The following AP2A2 variants were observed in gnomAD, a reference collection of about 807,000 sequenced individuals.
AP2A2 encodes adaptor related protein complex 2 subunit alpha 2.
Under a neutral mutation model 104.2 loss-of-function variants are expected in AP2A2, and 32 were observed. The ratio of observed to expected loss-of-function variants is 0.31; its 90% CI spans 0.23 to 0.41. The LOEUF (loss-of-function observed/expected upper bound fraction) is 0.41. Ranked by LOEUF, AP2A2 falls within the 10% of genes least tolerant of loss-of-function variation. AP2A2 has a pLI of 1.00. For synonymous variants in AP2A2, 539 were observed against 533.3 expected (o/e 1.01, Z -0.15); for missense variants, 912 against 1,261.0 (o/e 0.72, Z 4.19).
At chr11:981,689 A>G (rs925119096) in intron 6 of AP2A2, among the ~76,000 whole-genome samples, 6 of 152,260 alleles carry the variant, frequency 3.9e-5, no homozygotes, top group African/African-American at 1.4e-4. Flanking sequence ...TCAACATGGT[A>G]AAATTTTTGT....
chr11:1,001,142 TG>T (rs980870180), intron 15 of AP2A2, among the ~76,000 whole-genome samples: 2 of 152,212 alleles, frequency 1.3e-5, no homozygotes, highest in African/African-American at 4.8e-5. Context: ...CTTTGCTGCT[TG>T]TCCTGCTCTA....
At position 993,167 on chromosome 11, in the gene AP2A2, G is replaced by A. The variant is rs907139141; in HGVS notation, c.1453-117G>A. ...GGCAGGGATGGGCACTTGGACTGGG[G>A]TCTCCAGGAAGCTGAGGGGCTGGTG... On this transcript the variant is annotated intron_variant, in intron 11 of 21. Transcript: ENST00000448903. This position sits in a 1 kb window ranked among gnomAD's most constrained non-coding sequence, Gnocchi z 8.2. 4 of 738,154 alleles carry A rather than the reference G, an allele frequency of 5.4e-6. 1 individual carries two copies. In the African/African-American group the frequency reaches 7.1e-5, roughly 13 times the overall value. 45.7% of individuals were successfully genotyped at this position (738,154 alleles called of 1,614,324 possible).
intron 8 of AP2A2, 78 bp downstream of exon 8, chr11:985,660 ATC>A: frequency 6.3e-7 from 1 of 1,582,302 alleles, no homozygotes. Flanking sequence ...GACTGGGCGG[ATC>A]ATGTCTGGTT....
chr11:1,001,164 G>A (rs1031359168), intron 15 of AP2A2, among the ~76,000 whole-genome samples: 2 of 152,106 alleles, frequency 1.3e-5, no homozygotes, highest in South Asian at 2.1e-4. Flanking sequence ...ATTTCTGTCC[G>A]GTGCCTGGGC....
chr11:977,349 TGC>T, intron 5 of AP2A2, 125 bp downstream of exon 5: 1 of 1,322,600 alleles, frequency 7.6e-7, no homozygotes, highest in Non-Finnish European at 1.0e-6. Flanking sequence ...CTGCTGTGGC[TGC>T]GTGCTGAGGC....
chr11:1,010,534 G>A lies in AP2A2; in HGVS notation c.2743-14G>A. 6.3e-7 allele frequency: 1 copy of A among 1,578,522 alleles called. No individual in the cohort carries two copies. The highest frequency in any genetic ancestry group is 8.6e-7 in the Non-Finnish European group (1 of 1,162,018). On this transcript the variant is annotated splice_polypyrimidine_tract_variant and intron_variant, in intron 21 of 21. Coordinates refer to ENST00000448903, the MANE Select transcript of AP2A2 (RefSeq NM_012305.4). ...CTCGGCGTGCCCGTTGACCTGCTGT[G>A]CTCTCTGTTTCAGATGTACCGGCTC...
chr11:947,777 A>G (rs1183220344), intron 1 of AP2A2, among the ~76,000 whole-genome samples: 1 of 145,798 alleles, frequency 6.9e-6, no homozygotes, highest in Non-Finnish European at 1.5e-5. Context: ...CCTGGGCAAC[A>G]AAAGTGAGAC....
At chr11:962,459 C>T (rs532384615) in intron 2 of AP2A2, among the ~76,000 whole-genome samples, 12 of 152,260 alleles carry the variant, frequency 7.9e-5, no homozygotes, top group South Asian at 6.2e-4. Flanking sequence ...TCTGGCCAGG[C>T]GTGGTGGCTC....
At chr11:973,158 C>T (rs1488770994) in intron 4 of AP2A2, among the ~76,000 whole-genome samples, 1 of 152,186 alleles carries the variant, frequency 6.6e-6, no homozygotes, top group African/African-American at 2.4e-5. Context: ...CCACCCAGAC[C>T]ACACAGTGAG....
intron 1 of AP2A2, among the ~76,000 whole-genome samples, chr11:942,050 C>T (rs910984791): frequency 6.6e-6 from 1 of 152,218 alleles, no homozygotes; most frequent in African/African-American, 2.4e-5. Flanking sequence ...CCTCAGCCTC[C>T]TGAGTAGCTG....
intron 1 of AP2A2, among the ~76,000 whole-genome samples, chr11:931,079 G>A (rs989693263): frequency 6.6e-6 from 1 of 152,084 alleles, no homozygotes. Context: ...CTCCATCTCT[G>A]TAATTTTGTG....
In AP2A2 at chr11:977,498, C is replaced by T. The variant is rs370522676; in HGVS notation, c.603+274C>T. Among the ~76,000 whole-genome samples, 23 of 149,984 alleles carry T rather than the reference C, an allele frequency of 1.5e-4. No homozygotes were observed. The South Asian group carries it at 4.2e-3, about 27-fold the overall frequency. On this transcript the variant is annotated intron_variant, in intron 5 of 21. Transcript: ENST00000448903. ...CTGAGACACGTGTCTCCTGGAAACACCTATCTAGTATGCGGAGCTCCTGCC... is the reference window on the plus strand; with the variant it reads ...CTGAGACACGTGTCTCCTGGAAACATCTATCTAGTATGCGGAGCTCCTGCC...
chr11:944,932 T>G (rs1478155385), intron 1 of AP2A2, among the ~76,000 whole-genome samples: 2 of 151,968 alleles, frequency 1.3e-5, no homozygotes, highest in African/African-American at 4.8e-5. Context: ...TCCTAGAGCT[T>G]TATAAAGACT....
At chr11:964,802 G>A (rs578028190) in intron 2 of AP2A2, among the ~76,000 whole-genome samples, 3 of 135,984 alleles carry the variant, frequency 2.2e-5, no homozygotes, top group East Asian at 4.0e-4. Flanking sequence ...AGATGGAAGC[G>A]TGGAAATGGA....
intron 1 of AP2A2, among the ~76,000 whole-genome samples, chr11:934,139 C>T (rs940453028): frequency 3.3e-4 from 50 of 152,166 alleles, no homozygotes; most frequent in African/African-American, 1.2e-3. Flanking sequence ...TCAGCGCCCC[C>T]ACCCCGATAC....
chr11:938,068 G>A (rs924577359), intron 1 of AP2A2, among the ~76,000 whole-genome samples: 4 of 152,238 alleles, frequency 2.6e-5, no homozygotes, highest in Admixed American at 2.6e-4. Context: ...ATGCTTATTG[G>A]TTTGTCTTTC....
chr11:975,722 G>A (rs1209706782), intron 4 of AP2A2, among the ~76,000 whole-genome samples: 2 of 150,664 alleles, frequency 1.3e-5, no homozygotes, highest in Non-Finnish European at 3.0e-5. Context: ...CGACGTCGGC[G>A]AGTAGCTGTG....
chr11:1,010,311 A>G (rs1856379975), intron 21 of AP2A2: 2 of 581,916 alleles, frequency 3.4e-6, no homozygotes, highest in Non-Finnish European at 3.1e-6. Context: ...CAGCTTCTCC[A>G]GGTGGCCGTG....
intron 9 of AP2A2, 78 bp from the exon 10 acceptor site, chr11:988,474 G>T: frequency 1.3e-6 from 2 of 1,542,630 alleles, no homozygotes; most frequent in South Asian, 1.2e-5. Flanking sequence ...TGAGATGCGG[G>T]TGCCGAGCCT....
Sources: allele counts gnomAD v4.1 joint callset (sites outside exome capture counted in the v4.1 genomes callset), GRCh38; gene constraint gnomAD v4.1.1; non-coding constraint Gnocchi (gnomAD v3.1); transcripts MANE v1.5; gene names NCBI Gene and HGNC (gene_info 2026-07-23, HGNC 2026-07-21).